The following ENTREP1 variants were observed in gnomAD, a reference collection of about 807,000 sequenced individuals.
ENTREP1 encodes the protein endosomal transmembrane epsin interactor 1.
the ENTREP1 span, among the ~76,000 whole-genome samples, chr9:69,333,964 C>T: frequency 1.3e-5 from 2 of 152,230 alleles, no homozygotes; most frequent in Admixed American, 6.5e-5. Context: ...TCTGAGGAAT[C>T]ACTGTCATCA....
chr9:69,353,134 C>A, the ENTREP1 span, among the ~76,000 whole-genome samples: 11 of 152,120 alleles, frequency 7.2e-5, no homozygotes, highest in Admixed American at 7.2e-4. Flanking sequence ...GACACCCTAC[C>A]TCTAAGAAAA....
the ENTREP1 span, among the ~76,000 whole-genome samples, chr9:69,365,517 A>G: frequency 2.0e-5 from 3 of 152,156 alleles, no homozygotes; most frequent in Admixed American, 2.0e-4. Context: ...ATTTCTATGT[A>G]TTGGGGACAT....
At chr9:69,390,829 T>C in the ENTREP1 span, among the ~76,000 whole-genome samples, 2 of 151,756 alleles carry the variant, frequency 1.3e-5, no homozygotes, top group South Asian at 2.1e-4. Context: ...TTAGTAGAGA[T>C]GAGGTCTTGC....
the ENTREP1 span, among the ~76,000 whole-genome samples, chr9:69,364,080 A>T: frequency 6.6e-6 from 1 of 152,222 alleles, no homozygotes; most frequent in African/African-American, 2.4e-5. Context: ...ACCTAATGAA[A>T]TGTGTTTTGT....
chr9:69,368,281 G>C, the ENTREP1 span, among the ~76,000 whole-genome samples: 1 of 152,102 alleles, frequency 6.6e-6, no homozygotes, highest in Non-Finnish European at 1.5e-5. Context: ...CCAGTTCTTA[G>C]AGGAAAGGCT....
At chr9:69,339,819 A>C in the ENTREP1 span, among the ~76,000 whole-genome samples, 1 of 152,198 alleles carries the variant, frequency 6.6e-6, no homozygotes, top group Non-Finnish European at 1.5e-5. Context: ...TCAGCTCAGC[A>C]GTCACTTCCT....
At chr9:69,325,677 G>C in the ENTREP1 span, 1 of 1,231,204 alleles carries the variant, frequency 8.1e-7, no homozygotes, top group African/African-American at 1.6e-5. Context: ...TCGCTGAGCA[G>C]CTCCCCGCAG....
the ENTREP1 span, chr9:69,392,394 C>T: frequency 1.3e-5 from 2 of 154,140 alleles, no homozygotes; most frequent in Non-Finnish European, 2.9e-5. Context: ...TCCATTTACT[C>T]ATGCTTGCAA....
At chr9:69,339,093 C>G in the ENTREP1 span, among the ~76,000 whole-genome samples, 2 of 152,072 alleles carry the variant, frequency 1.3e-5, no homozygotes, top group African/African-American at 4.8e-5. Flanking sequence ...GATCACTGCT[C>G]ATTGCAGCCT....
the ENTREP1 span, among the ~76,000 whole-genome samples, chr9:69,367,702 T>A: frequency 1.1e-4 from 12 of 113,766 alleles, no homozygotes; most frequent in East Asian, 4.8e-4. Context: ...CACATATATA[T>A]AAATATATAT....
At chr9:69,347,871 A>G in the ENTREP1 span, among the ~76,000 whole-genome samples, 3 of 152,342 alleles carry the variant, frequency 2.0e-5, no homozygotes, top group East Asian at 5.8e-4. Flanking sequence ...GATATTAAAG[A>G]GAAGGAAATG....
the ENTREP1 span, chr9:69,383,609 A>G: frequency 6.2e-7 from 1 of 1,613,828 alleles, no homozygotes; most frequent in African/African-American, 1.3e-5. Context: ...GTGCTTTCTG[A>G]CGCCAAGTCG....
the ENTREP1 span, among the ~76,000 whole-genome samples, chr9:69,340,762 CATGT>C: frequency 0.027 from 108 of 3,960 alleles, 5 homozygotes; most frequent in African/African-American, 0.14. Context: ...TGTGTGCGTG[CATGT>C]GTGTGTGTGT....
At chr9:69,391,652 C>G in the ENTREP1 span, 2 of 1,614,030 alleles carry the variant, frequency 1.2e-6, no homozygotes, top group Non-Finnish European at 1.7e-6. Flanking sequence ...GCTGCCCTCG[C>G]GGAGACAGCC....
At chr9:69,325,371 C>A in the ENTREP1 span, 1 of 1,163,892 alleles carries the variant, frequency 8.6e-7, no homozygotes, top group Non-Finnish European at 1.1e-6. Flanking sequence ...TCGGGTGGGC[C>A]GCAGGCCGGG....
the ENTREP1 span, among the ~76,000 whole-genome samples, chr9:69,332,125 G>A: frequency 6.6e-6 from 1 of 152,266 alleles, no homozygotes; most frequent in East Asian, 1.9e-4. Context: ...TACCATTCGA[G>A]AGGCTTCTAA....
At chr9:69,373,408 A>G in the ENTREP1 span, among the ~76,000 whole-genome samples, 1 of 152,082 alleles carries the variant, frequency 6.6e-6, no homozygotes, top group African/African-American at 2.4e-5. Flanking sequence ...GGGGAATTAT[A>G]TTTCATAATG....
At chr9:69,370,565 T>A in the ENTREP1 span, among the ~76,000 whole-genome samples, 1 of 152,166 alleles carries the variant, frequency 6.6e-6, no homozygotes. Flanking sequence ...CAAACTTCTC[T>A]TGGAGAGAAG....
At chr9:69,360,224 CT>C in the ENTREP1 span, among the ~76,000 whole-genome samples, 2 of 152,238 alleles carry the variant, frequency 1.3e-5, no homozygotes, top group Middle Eastern at 3.4e-3. Flanking sequence ...TCAAATAGTG[CT>C]GTAAGTCTGA....
Sources: gnomAD v4.1 joint callset for allele counts (sites outside exome capture counted in the v4.1 genomes callset) on GRCh38, gnomAD v4.1.1 for gene constraint, MANE v1.5 for transcripts, NCBI Gene and HGNC (gene_info 2026-07-23, HGNC 2026-07-21) for gene names.